TENM4: variants seen among roughly 807,000 people sequenced by gnomAD.
The protein encoded by TENM4 is teneurin transmembrane protein 4, also known as teneurin-4.
A neutral mutation model predicts 243.3 loss-of-function variants in TENM4; 82 were observed. The observed-to-expected ratio is 0.34, with a 90% CI of 0.28 to 0.40. The LOEUF (loss-of-function observed/expected upper bound fraction) is 0.40, where lower values mean the gene tolerates loss of function less well. Ranked by LOEUF, TENM4 falls within the 10% of genes least tolerant of loss-of-function variation. The probability of loss-of-function intolerance (pLI) is 1.00; values close to 1 mark genes in which losing one functional copy is unlikely to be tolerated. For missense variants in TENM4, 3,138 were observed against 3,673.3 expected, an observed-to-expected ratio of 0.85 and a Z score of 3.77; for synonymous variants, 1,412 against 1,456.3, an observed-to-expected ratio of 0.97 and a Z score of 0.69.
intron 12 of TENM4, among the ~76,000 whole-genome samples, chr11:78,844,214 C>T (rs535777459): frequency 1.3e-5 from 2 of 152,288 alleles, no homozygotes; most frequent in Admixed American, 1.3e-4. Context: ...TTAACTGTGT[C>T]CCCTACCAAA....
intron 9 of TENM4, among the ~76,000 whole-genome samples, chr11:78,873,661 T>C (rs1281266757): frequency 1.3e-5 from 2 of 152,250 alleles, no homozygotes; most frequent in African/African-American, 4.8e-5. Context: ...CTCATTGTTA[T>C]ATGGACCTGC....
chr11:79,037,149 A>G (rs1859410328), intron 6 of TENM4, among the ~76,000 whole-genome samples: 1 of 152,214 alleles, frequency 6.6e-6, no homozygotes, highest in Admixed American at 6.5e-5. Context: ...ATCATCCAGG[A>G]CAGGAGGGAC....
intron 12 of TENM4, among the ~76,000 whole-genome samples, chr11:78,832,086 G>A (rs1303141771): frequency 6.6e-6 from 1 of 152,230 alleles, no homozygotes; most frequent in Admixed American, 6.5e-5. Flanking sequence ...CTGGGTGGCT[G>A]CAGAACCAGG....
At chr11:78,758,030 A>C (rs1184228659) in intron 18 of TENM4, among the ~76,000 whole-genome samples, 1 of 152,210 alleles carries the variant, frequency 6.6e-6, no homozygotes, top group Non-Finnish European at 1.5e-5. Context: ...ACAGGCACCT[A>C]ATATTAATAG....
chr11:79,050,343 G>A (rs1026945836), intron 6 of TENM4, among the ~76,000 whole-genome samples: 1 of 152,188 alleles, frequency 6.6e-6, no homozygotes, highest in Non-Finnish European at 1.5e-5. Flanking sequence ...GTGGATGCAG[G>A]TAGAGAGAAG....
intron 4 of TENM4, among the ~76,000 whole-genome samples, chr11:79,082,625 C>G (rs1158445337): frequency 1.3e-5 from 2 of 152,168 alleles, no homozygotes; most frequent in Non-Finnish European, 2.9e-5. Context: ...TTAAAATGCT[C>G]CATCTAGGGC....
chr11:79,230,195 C>A (rs1864348952), intron 2 of TENM4, among the ~76,000 whole-genome samples: 1 of 152,152 alleles, frequency 6.6e-6, no homozygotes, highest in Admixed American at 6.5e-5. Context: ...CCTTGAAGAC[C>A]ATTTCAGGAC....
rs532438847 is a variant in TENM4, at chr11:79,338,029, C to T, written c.-320-40486G>A. 4.6e-5 allele frequency among the ~76,000 whole-genome samples: 7 copies of T among 152,194 alleles called. No individual in the cohort carries two copies. The South Asian group carries it at 6.2e-4, about 13-fold the overall frequency. ...AGGAAGAGAGGGTCCTGCGCAAGCA[C>T]GTATTTGGGATGACTGCTTCTCAAC... On this transcript the variant is annotated intron_variant, in intron 1 of 33. Coordinates refer to ENST00000278550, the MANE Select transcript of TENM4 (RefSeq NM_001098816.3).
At chr11:79,213,561 T>C (rs1306765121) in intron 3 of TENM4, among the ~76,000 whole-genome samples, 1 of 152,188 alleles carries the variant, frequency 6.6e-6, no homozygotes, top group Non-Finnish European at 1.5e-5. Flanking sequence ...TTGCAAAACG[T>C]CTTTCCTCCT....
At chr11:78,834,197 T>A (rs1158113738) in intron 12 of TENM4, among the ~76,000 whole-genome samples, 1 of 152,248 alleles carries the variant, frequency 6.6e-6, no homozygotes. Context: ...TTCCTATTTC[T>A]AATGTCCAAG....
At chr11:78,941,607 T>TG (rs35114546) in intron 6 of TENM4, among the ~76,000 whole-genome samples, 62 of 145,284 alleles carry the variant, frequency 4.3e-4, no homozygotes, top group Non-Finnish European at 7.4e-4. Context: ...GGGGTGGGGT[T>TG]GGGGGGGTGT....
At chr11:78,730,216 G>C (rs780768585) in intron 21 of TENM4, among the ~76,000 whole-genome samples, 2 of 152,226 alleles carry the variant, frequency 1.3e-5, no homozygotes, top group Non-Finnish European at 2.9e-5. Flanking sequence ...GCTGCTGCTG[G>C]TGGTGGTGCT....
chr11:79,175,142 T>G (rs1330387331), intron 3 of TENM4, among the ~76,000 whole-genome samples: 1 of 152,212 alleles, frequency 6.6e-6, no homozygotes, highest in Non-Finnish European at 1.5e-5. Context: ...CCGTCAAACC[T>G]GGTGTTAACT....
At chr11:78,947,281 G>A (rs994337498) in intron 6 of TENM4, among the ~76,000 whole-genome samples, 1 of 152,204 alleles carries the variant, frequency 6.6e-6, no homozygotes, top group Non-Finnish European at 1.5e-5. Flanking sequence ...AGCTTAGAGA[G>A]GGGACTCAAC....
intron 4 of TENM4, among the ~76,000 whole-genome samples, chr11:79,087,500 T>C (rs1281254219): frequency 6.6e-6 from 1 of 152,220 alleles, no homozygotes; most frequent in Admixed American, 6.5e-5. Flanking sequence ...GCACAAGTCC[T>C]GCATGAACTT....
At chr11:79,136,015 A>G (rs1460353729) in intron 4 of TENM4, among the ~76,000 whole-genome samples, 4 of 151,708 alleles carry the variant, frequency 2.6e-5, no homozygotes, top group East Asian at 1.9e-4. Flanking sequence ...CAATGATACA[A>G]TGGATTTTGG....
intron 19 of TENM4, among the ~76,000 whole-genome samples, chr11:78,755,546 C>T (rs1018131911): frequency 1.3e-5 from 2 of 152,200 alleles, no homozygotes; most frequent in Middle Eastern, 3.4e-3. Flanking sequence ...ACTCTAAGCC[C>T]TAACTCTAAA....
rs567594087 is a variant in TENM4 at position 78,942,642 on chromosome 11, G to A, written c.494-39119C>T. The stretch of plus-strand genomic sequence containing the variant: ...GTAGTCATTCCTAAGTGCAAGCTCT[G>A]TGGGCAACACGAGACAGAATCTATC... On this transcript the variant is annotated intron_variant, in intron 6 of 33. Coordinates refer to ENST00000278550, the MANE Select transcript of TENM4 (RefSeq NM_001098816.3). Among the ~76,000 whole-genome samples the A allele has an allele frequency of 7.9e-5, 12 of 152,254 alleles. No individual in the cohort carries two copies. In the East Asian group the frequency reaches 2.1e-3, roughly 27 times the overall value.
intron 1 of TENM4, among the ~76,000 whole-genome samples, chr11:79,325,032 T>C (rs1804081419): frequency 6.6e-6 from 1 of 152,276 alleles, no homozygotes; most frequent in South Asian, 2.1e-4. Context: ...AGGAGGATAC[T>C]GAAAGGCTCT....
Sources: allele counts gnomAD v4.1 joint callset (sites outside exome capture counted in the v4.1 genomes callset), GRCh38; gene constraint gnomAD v4.1.1; transcripts MANE v1.5; gene names NCBI Gene and HGNC (gene_info 2026-07-23, HGNC 2026-07-21).